Variants in F13B observed in about 807,000 individuals in gnomAD.
The protein encoded by F13B is TGase.
Under a neutral mutation model 79.8 loss-of-function variants are expected in F13B, and 58 were observed. The ratio of observed to expected loss-of-function variants is 0.73; its 90% CI spans 0.59 to 0.90. The LOEUF is 0.90. Among genes scored for constraint, F13B ranks in the 40% least tolerant of loss-of-function variants. The probability of loss-of-function intolerance (pLI) is 0.00; values close to 1 mark genes in which losing one functional copy is unlikely to be tolerated. For missense variants in F13B, 773 were observed against 777.0 expected, an observed-to-expected ratio of 0.99 and a Z score of 0.06; for synonymous variants, 283 against 260.3, an observed-to-expected ratio of 1.09 and a Z score of -0.84.
intron 10 of F13B, among the ~76,000 whole-genome samples, chr1:197,045,699 CACA>C (rs1236392869): frequency 3.3e-5 from 5 of 152,084 alleles, no homozygotes; most frequent in African/African-American, 1.2e-4. Context: ...CTGGCAGAGA[CACA>C]ACAACAACAA....
chr1:197,063,017 A>G lies in F13B; in HGVS notation c.105T>C (p.Ile35=). 1 of 1,613,008 alleles carries G rather than the reference A, an allele frequency of 6.2e-7. No homozygotes were observed. The highest frequency in any genetic ancestry group is 8.5e-7 in the Non-Finnish European group (1 of 1,179,644). ...CGFPHVENGR[I]AQYYYTFKSF... ...TTTTAAAAGTATAGTAATATTGGGCAATTCTTCCATTTTCCACATGAGGAA... is the reference window on the plus strand; with the variant it reads ...TTTTAAAAGTATAGTAATATTGGGCGATTCTTCCATTTTCCACATGAGGAA... The change falls in exon 2 of 12, where the codon ATT becomes ATC. Residue 35 remains isoleucine, a synonymous_variant. Coordinates refer to ENST00000367412, the MANE Select transcript of F13B (RefSeq NM_001994.3).
chr1:197,061,067 A>C lies in F13B; in HGVS notation c.460T>G (p.Leu154Val). The C allele has an allele frequency of 6.7e-7, 1 of 1,486,782 alleles. No individual in the cohort carries two copies. The highest frequency in any genetic ancestry group is 9.2e-7 in the Non-Finnish European group (1 of 1,085,432). The allele number at this position is 1,486,782 out of a possible 1,614,324, so 92.1% of individuals were successfully genotyped here. A position where few individuals can be genotyped will look rare whatever the true frequency, so the allele number is the denominator to read the frequency against. Residue 154 changes from leucine to valine, a missense_variant, in exon 4 of 12, where the codon TTG becomes GTG. Leu to Val is a conservative substitution (Grantham distance 32, BLOSUM62 1). Coordinates refer to ENST00000367412, the MANE Select transcript of F13B (RefSeq NM_001994.3). ...PTCRKEHETC[L>V]APELYNGNYS... is the part of the protein sequence containing the mutation. ...TTTCCATTATATAATTCAGGAGCCA[A>C]ACATGTTTCTAAAATTATAAAAATT...
Position 197,063,032 on chromosome 1 carries a change from C to T in F13B, c.90G>A (p.Val30=). The T allele has an allele frequency of 6.2e-7, 1 of 1,612,310 alleles. No individual in the cohort carries two copies. Among genetic ancestry groups the T allele is most frequent in the East Asian group, 2.2e-5 (1 of 44,844 alleles). ...AEEKPCGFPH[V]ENGRIAQYYY... is the part of the protein sequence containing the mutation. ...AATATTGGGCAATTCTTCCATTTTC[C>T]ACATGAGGAAAACCACAGGGTTTCT... Residue 30 remains valine, a synonymous_variant, in exon 2 of 12, where the codon GTG becomes GTA. Transcript: ENST00000367412.
intron 7 of F13B, 101 bp from the exon 8 acceptor site, chr1:197,055,998 C>T: frequency 9.3e-7 from 1 of 1,073,326 alleles, no homozygotes; most frequent in East Asian, 2.7e-5. Flanking sequence ...TAATTTAGGA[C>T]AATTGTTTTA....
In F13B at chr1:197,059,502, C is replaced by T. The variant is rs1005035512; in HGVS notation, c.805+864G>A. Among the ~76,000 whole-genome samples the T allele has an allele frequency of 1.2e-4, 18 of 152,008 alleles. 1 individual carries two copies. Among genetic ancestry groups the T allele is most frequent in the Admixed American group, 1.0e-3 (16 of 15,244 alleles). ...CCTGCCTGTCAATAGACCTTATATC[C>T]CATATTACAGAAAATAAAAAATGAC... is the stretch of plus-strand genomic sequence containing the variant. On this transcript the variant is annotated intron_variant, in intron 5 of 11. Coordinates refer to ENST00000367412, the MANE Select transcript of F13B (RefSeq NM_001994.3).
intron 7 of F13B, 62 bp downstream of exon 7, chr1:197,056,951 T>G (rs1655661475): frequency 6.4e-7 from 1 of 1,563,838 alleles, no homozygotes; most frequent in East Asian, 2.2e-5. Context: ...CAGATTAAAG[T>G]AACAGAATGG....
Position 197,052,644 on chromosome 1 carries a change from A to T in F13B, c.1545T>A (p.Cys515Ter). 6.2e-7 allele frequency: 1 copy of T among 1,608,104 alleles called. No individual in the cohort carries two copies. Among genetic ancestry groups the T allele is most frequent in the Non-Finnish European group, 8.5e-7 (1 of 1,175,826 alleles). The change falls in exon 9 of 12, where the codon TGT (cysteine) becomes TGA (stop). Residue 515 changes from cysteine to a stop codon, truncating the protein, a stop_gained. Coordinates refer to ENST00000367412, the MANE Select transcript of F13B (RefSeq NM_001994.3). LOFTEE classifies it high-confidence loss of function. ...ACATTATTATTTTACCTTTTCTAGT[A>T]CATAAAGGATATTTCACTTCTCCTC... is the stretch of plus-strand genomic sequence containing the variant. The part of the protein sequence containing the change: ...CNRGEVKYPL[C>*]TRKESKGMCT...
intron 1 of F13B, 130 bp downstream of exon 1, chr1:197,067,030 T>G (rs182409140): frequency 2.1e-6 from 1 of 483,618 alleles, no homozygotes; most frequent in Admixed American, 3.8e-5. Flanking sequence ...TTATAAAAAG[T>G]TATATTTATA....
chr1:197,059,131 A>G (rs1269704553), intron 5 of F13B, among the ~76,000 whole-genome samples: 1 of 151,960 alleles, frequency 6.6e-6, no homozygotes, highest in Non-Finnish European at 1.5e-5. Context: ...CAGGAGAATC[A>G]CTTGAACCTG....
intron 10 of F13B, among the ~76,000 whole-genome samples, chr1:197,046,025 T>C (rs1655216601): frequency 6.6e-6 from 1 of 152,022 alleles, no homozygotes; most frequent in South Asian, 2.1e-4. Flanking sequence ...CAAAATAATA[T>C]GAGCTGTTCA....
chr1:197,038,994 T>C lies in F13B; in HGVS notation c.*384A>G, dbSNP rs1654941003. Among the ~76,000 whole-genome samples, 1 of 152,096 alleles carries C rather than the reference T, an allele frequency of 6.6e-6. No individual in the cohort carries two copies. Among genetic ancestry groups the C allele is most frequent in the Non-Finnish European group, 1.5e-5 (1 of 68,008 alleles). ...TGGCCCTTTAATAGTGACATAAACT[T>C]TGAATTAAGGGTAACAAAAGCCTTA... On this transcript the variant is annotated 3_prime_UTR_variant, in exon 12 of 12. Coordinates refer to ENST00000367412, the MANE Select transcript of F13B (RefSeq NM_001994.3).
rs555140730 is a variant in F13B at position 197,060,286 on chromosome 1, A to G, written c.805+80T>C. 7.4e-4 allele frequency: 771 copies of G among 1,043,912 alleles called. 1 individual carries two copies. Among genetic ancestry groups the G allele is most frequent in the Non-Finnish European group, 9.1e-4 (626 of 689,002 alleles). 64.7% of individuals were successfully genotyped at this position (1,043,912 alleles called of 1,614,324 possible). ...CTCAGGAAAAAAAATAGATATGACC[A>G]CAGGAATTTTGTCAGAGCTAATAGA... On this transcript the variant is annotated intron_variant, in intron 5 of 11. Transcript: ENST00000367412.
chr1:197,049,026 G>A (rs1359318706), intron 10 of F13B, among the ~76,000 whole-genome samples: 1 of 151,904 alleles, frequency 6.6e-6, no homozygotes, highest in African/African-American at 2.4e-5. Flanking sequence ...TCAGAGCACA[G>A]AGAATATATC....
chr1:197,051,668 T>C (rs551181170), intron 9 of F13B, among the ~76,000 whole-genome samples: 1 of 152,152 alleles, frequency 6.6e-6, no homozygotes, highest in Non-Finnish European at 1.5e-5. Context: ...TAGGTATATA[T>C]GCTGATTGAA....
rs1269906283 is a variant in F13B at position 197,055,634 on chromosome 1, CA to C, written c.1354+80del. The C allele has an allele frequency of 3.5e-6, 5 of 1,419,560 alleles. No individual in the cohort carries two copies. In the African/African-American group the frequency reaches 7.0e-5, roughly 20 times the overall value. The allele number at this position is 1,419,560 out of a possible 1,614,324, so 87.9% of individuals were successfully genotyped here. A position where few individuals can be genotyped will look rare whatever the true frequency, so the allele number is the denominator to read the frequency against. ...TTGTGAAAAAAGATTTGTACAAAATCATCATTTTCATGATATAAAACACTGT... is the reference window on the plus strand; with the variant it reads ...TTGTGAAAAAAGATTTGTACAAAATCTCATTTTCATGATATAAAACACTGT... On this transcript the variant is annotated intron_variant, in intron 8 of 11. Coordinates refer to ENST00000367412, the MANE Select transcript of F13B (RefSeq NM_001994.3).
At chr1:197,050,553 AAGC>A in intron 10 of F13B, 141 bp downstream of exon 10, 1 of 717,466 alleles carries the variant, frequency 1.4e-6, no homozygotes, top group African/African-American at 1.8e-5. Flanking sequence ...AAAGAATAGA[AAGC>A]AGTGATAAAA....
chr1:197,066,077 A>G (rs1656039231), intron 1 of F13B, among the ~76,000 whole-genome samples: 2 of 152,086 alleles, frequency 1.3e-5, no homozygotes, highest in African/African-American at 2.4e-5. Flanking sequence ...TCTTTATGGT[A>G]TAGATAACAG....
intron 10 of F13B, among the ~76,000 whole-genome samples, chr1:197,044,815 A>G (rs980330884): frequency 6.6e-6 from 1 of 152,180 alleles, no homozygotes; most frequent in Non-Finnish European, 1.5e-5. Flanking sequence ...TGTCTCTCAG[A>G]CCACAGTGCA....
chr1:197,060,527 G>A lies in F13B; in HGVS notation c.644C>T (p.Ser215Phe). The A allele has an allele frequency of 6.3e-7, 1 of 1,588,448 alleles. No homozygotes were observed. The highest frequency in any genetic ancestry group is 8.6e-7 in the Non-Finnish European group (1 of 1,163,138). The change falls in exon 5 of 12, where the codon TCT becomes TTT. Residue 215 changes from serine to phenylalanine, a missense_variant. Coordinates refer to ENST00000367412, the MANE Select transcript of F13B (RefSeq NM_001994.3). ...ATAACCATTTTCAATTAATCTTAAA[G>A]AAGAGCACTTTAATTCTGCAAATAA... ...TPKCTKLKCS[S>F]LRLIENGYFH...
Sources: gnomAD v4.1 joint callset for allele counts (sites outside exome capture counted in the v4.1 genomes callset) on GRCh38, gnomAD v4.1.1 for gene constraint, MANE v1.5 for transcripts, NCBI Gene and HGNC (gene_info 2026-07-23, HGNC 2026-07-21) for gene names.